Variants in PTBP3 observed in about 807,000 individuals in gnomAD.
PTBP3 encodes polypyrimidine tract-binding protein 3.
In PTBP3, 20 loss-of-function variants were observed where a neutral mutation model predicts 58.7. That is an observed-to-expected ratio of 0.34 (90% CI 0.24 to 0.50). The LOEUF is 0.50. Ranked by LOEUF, PTBP3 falls within the 20% of genes least tolerant of loss-of-function variation. The pLI, the probability that PTBP3 is intolerant of heterozygous loss-of-function variation, is 0.98. For synonymous variants in PTBP3, 185 were observed against 219.8 expected, an observed-to-expected ratio of 0.84 and a Z score of 1.40; for missense variants, 509 against 637.2, an observed-to-expected ratio of 0.80 and a Z score of 2.17.
intron 1 of PTBP3, among the ~76,000 whole-genome samples, chr9:112,302,970 A>AT (rs762684348): frequency 2.0e-5 from 3 of 151,796 alleles, no homozygotes; most frequent in Admixed American, 6.6e-5. Context: ...TTTTTTTTCT[A>AT]TTTTTTTCTC....
At chr9:112,234,240 G>A (rs1299776775) in intron 8 of PTBP3, among the ~76,000 whole-genome samples, 2 of 151,968 alleles carry the variant, frequency 1.3e-5, no homozygotes, top group Non-Finnish European at 1.5e-5. Context: ...CATTATCAAC[G>A]TATTAATCAA....
intron 1 of PTBP3, among the ~76,000 whole-genome samples, chr9:112,320,249 GC>G (rs1408480078): frequency 1.5e-5 from 2 of 137,286 alleles, no homozygotes; most frequent in Non-Finnish European, 3.0e-5. Flanking sequence ...CTGCAATACA[GC>G]CTGGGCAACA....
intron 8 of PTBP3, among the ~76,000 whole-genome samples, chr9:112,234,487 T>TA (rs1334427613): frequency 1.3e-5 from 2 of 152,170 alleles, no homozygotes; most frequent in African/African-American, 4.8e-5. Flanking sequence ...AGTTTATCAG[T>TA]AAAGACAGAG....
chr9:112,230,710 C>T (rs1835165811), intron 10 of PTBP3, among the ~76,000 whole-genome samples: 1 of 152,164 alleles, frequency 6.6e-6, no homozygotes, highest in Admixed American at 6.5e-5. Context: ...ATTAATCATA[C>T]TGCTCATTAG....
the PTBP3 span, among the ~76,000 whole-genome samples, chr9:112,357,563 G>A: frequency 2.0e-5 from 3 of 152,040 alleles, no homozygotes; most frequent in East Asian, 3.9e-4. Context: ...TGCCCAGGCC[G>A]GTCTTAAACT....
chr9:112,262,553 C>G lies in PTBP3; in HGVS notation c.398G>C (p.Ser133Thr). Residue 133 changes from serine to threonine, a missense_variant, in exon 5 of 14, where the codon AGC becomes ACC. By Grantham distance (58) the Ser-to-Thr change is moderately conservative (BLOSUM62 1). This residue lies in a region of PTBP3 where 212 missense variants were observed against 215.3 expected (regional missense o/e 0.98). Coordinates refer to ENST00000374257, the MANE Select transcript of PTBP3 (RefSeq NM_001163788.4). ...GGAAGGACCTCCAGAAAGGGCCAGG[C>G]TTCCTGATTGGACGGCACTGACAGC... ...LQAVSAVQSG[S>T]LALSGGPSNE... 6.2e-7 allele frequency: 1 copy of G among 1,611,912 alleles called. No homozygotes were observed. Among genetic ancestry groups the G allele is most frequent in the Non-Finnish European group, 8.5e-7 (1 of 1,179,228 alleles).
chr9:112,357,124 C>T, the PTBP3 span, among the ~76,000 whole-genome samples: 17 of 152,042 alleles, frequency 1.1e-4, no homozygotes, highest in Admixed American at 5.9e-4. Flanking sequence ...TCAGGTGATC[C>T]GCCCACCTCA....
the PTBP3 span, among the ~76,000 whole-genome samples, chr9:112,355,055 T>C: frequency 1.3e-5 from 2 of 152,166 alleles, no homozygotes; most frequent in Non-Finnish European, 2.9e-5. Context: ...GGTGGAAATA[T>C]CTCCAAGGGA....
chr9:112,254,694 T>C lies in PTBP3; in HGVS notation c.517-1906A>G, dbSNP rs777952117. ...ACATATCACCTAACTTCCATTAGGATAGTTATAAAATTTTTTAAAACCCAT... is the reference window on the plus strand; with the variant it reads ...ACATATCACCTAACTTCCATTAGGACAGTTATAAAATTTTTTAAAACCCAT... On this transcript the variant is annotated intron_variant, in intron 5 of 13. Coordinates refer to ENST00000374257, the MANE Select transcript of PTBP3 (RefSeq NM_001163788.4). 3.3e-5 allele frequency among the ~76,000 whole-genome samples: 5 copies of C among 152,314 alleles called. 1 individual carries two copies.
At chr9:112,273,803 C>G (rs1169825338) in intron 3 of PTBP3, among the ~76,000 whole-genome samples, 1 of 152,148 alleles carries the variant, frequency 6.6e-6, no homozygotes. Context: ...TATCACTCAA[C>G]AAGTAGATCT....
At chr9:112,328,998 T>C (rs916631631) in intron 1 of PTBP3, among the ~76,000 whole-genome samples, 1 of 152,240 alleles carries the variant, frequency 6.6e-6, no homozygotes, top group Non-Finnish European at 1.5e-5. Flanking sequence ...AAGTGGCTTC[T>C]AGAACTAGAT....
At chr9:112,333,037 A>G (rs1830441965) in intron 1 of PTBP3, 2 of 1,270,752 alleles carry the variant, frequency 1.6e-6, no homozygotes, top group South Asian at 2.9e-5. Context: ...GCCGGTAAAC[A>G]GCAACTCCCC....
At chr9:112,308,393 T>C (rs1829325172) in intron 1 of PTBP3, among the ~76,000 whole-genome samples, 1 of 150,846 alleles carries the variant, frequency 6.6e-6, no homozygotes, top group East Asian at 2.0e-4. Flanking sequence ...TTTTCTTTCC[T>C]AGACATAAAT....
chr9:112,223,948 G>T lies in PTBP3; in HGVS notation c.1478C>A (p.Ser493Tyr), dbSNP rs952522589. ...DRKMALIQLG[S>Y]VEEAIQALIE... ...GAGGGCCTGAATTGCTTCTTCCACAGATCCCAATTGAATGAGCGCCATTTT... is the reference window on the plus strand; with the variant it reads ...GAGGGCCTGAATTGCTTCTTCCACATATCCCAATTGAATGAGCGCCATTTT... Residue 493 changes from serine to tyrosine, a missense_variant, in exon 14 of 14, where the codon TCT becomes TAT. Physicochemically the swap from Ser to Tyr is moderately radical, Grantham distance 144. This residue lies in a region of PTBP3 where 135 missense variants were observed against 229.0 expected (regional missense o/e 0.59). Transcript: ENST00000374257. The T allele has an allele frequency of 1.2e-5, 20 of 1,613,328 alleles. No individual in the cohort carries two copies. The highest frequency in any genetic ancestry group is 1.6e-5 in the Non-Finnish European group (19 of 1,179,676).
At position 112,322,568 on chromosome 9, in the gene PTBP3, C is replaced by T. The variant is rs1587891185; in HGVS notation, c.-52+10902G>A. Among the ~76,000 whole-genome samples, 3 of 152,180 alleles carry T rather than the reference C, an allele frequency of 2.0e-5. No individual in the cohort carries two copies. The South Asian group carries it at 6.2e-4, about 31-fold the overall frequency. The stretch of plus-strand genomic sequence containing the variant: ...ACAAGGACACTGAAGAAAATCCTAG[C>T]CAGAATAACATAAAACTCACACTAA... On this transcript the variant is annotated intron_variant, in intron 1 of 13. Coordinates refer to ENST00000374257, the MANE Select transcript of PTBP3 (RefSeq NM_001163788.4).
chr9:112,353,494 C>T, the PTBP3 span, among the ~76,000 whole-genome samples: 1 of 151,606 alleles, frequency 6.6e-6, no homozygotes, highest in South Asian at 2.1e-4. Context: ...GATCCACCCA[C>T]CTCGGCCTCC....
intron 7 of PTBP3, among the ~76,000 whole-genome samples, chr9:112,244,701 T>G (rs567880476): frequency 6.6e-6 from 1 of 151,736 alleles, no homozygotes; most frequent in East Asian, 1.9e-4. Flanking sequence ...ATAAAAAAAG[T>G]CCAAATGAAT....
chr9:112,297,813 A>AG lies in PTBP3; in HGVS notation c.34+18_34+19insC. On this transcript the variant is annotated intron_variant, in intron 2 of 13. Coordinates refer to ENST00000374257, the MANE Select transcript of PTBP3 (RefSeq NM_001163788.4). ...GAAACCCACAGAAATCAAATATTAA[A>AG]AAAAAAAAAAAAACTCACCATACAC... The AG allele has an allele frequency of 6.8e-7, 1 of 1,477,472 alleles. No homozygotes were observed. 91.5% of individuals were successfully genotyped at this position (1,477,472 alleles called of 1,614,324 possible).
intron 1 of PTBP3, among the ~76,000 whole-genome samples, chr9:112,325,093 T>G (rs1016480482): frequency 1.3e-5 from 2 of 152,152 alleles, no homozygotes; most frequent in Non-Finnish European, 2.9e-5. Context: ...TGCCCAAATG[T>G]CCATCAACAT....
Sources: gnomAD v4.1 joint callset for allele counts (sites outside exome capture counted in the v4.1 genomes callset) on GRCh38, gnomAD v4.1.1 for gene constraint, gnomAD v4.1.1 regional missense constraint, MANE v1.5 for transcripts, NCBI Gene and HGNC (gene_info 2026-07-23, HGNC 2026-07-21) for gene names.